Variants in SUPT3H observed in about 807,000 individuals in gnomAD.
SUPT3H encodes the protein transcription initiation protein SPT3 homolog.
Under a neutral mutation model 44.3 loss-of-function variants are expected in SUPT3H, and 44 were observed. The observed-to-expected ratio is 0.99, with a 90% CI of 0.78 to 1.28. SUPT3H has a LOEUF of 1.28. Ranked by LOEUF, SUPT3H falls within the 50% of genes most tolerant of loss-of-function variation. The pLI, the probability that SUPT3H is intolerant of heterozygous loss-of-function variation, is 0.00. For synonymous variants in SUPT3H, 124 were observed against 125.6 expected (o/e 0.99, Z 0.09); for missense variants, 380 against 387.1 (o/e 0.98, Z 0.15).
intron 11 of SUPT3H, among the ~76,000 whole-genome samples, chr6:44,810,201 A>G (rs1356062958): frequency 1.3e-5 from 2 of 152,216 alleles, no homozygotes; most frequent in Non-Finnish European, 2.9e-5. Flanking sequence ...TTACACAGCA[A>G]AAGATAACTG....
chr6:45,070,051 C>T (rs992696577), intron 3 of SUPT3H, among the ~76,000 whole-genome samples: 3 of 152,118 alleles, frequency 2.0e-5, no homozygotes, highest in Non-Finnish European at 4.4e-5. Context: ...ATGAATATAT[C>T]ATGGTCATTC....
chr6:45,105,376 C>G (rs2153570979), intron 3 of SUPT3H, among the ~76,000 whole-genome samples: 1 of 152,202 alleles, frequency 6.6e-6, no homozygotes, highest in East Asian at 1.9e-4. Context: ...AGTTCAGTTA[C>G]AGACCACTGC....
chr6:44,886,650 C>T (rs1762339684), intron 10 of SUPT3H, among the ~76,000 whole-genome samples: 2 of 152,084 alleles, frequency 1.3e-5, no homozygotes, highest in Non-Finnish European at 1.5e-5. Flanking sequence ...CTGGTACCAG[C>T]CACTGCAAAA....
chr6:44,896,356 T>C (rs1764134498), intron 10 of SUPT3H, among the ~76,000 whole-genome samples: 1 of 152,138 alleles, frequency 6.6e-6, no homozygotes, highest in Non-Finnish European at 1.5e-5. Flanking sequence ...CAAGTAATGT[T>C]CTAAGGACCT....
In SUPT3H at chr6:45,095,032, C is replaced by A. The variant is rs901773772; in HGVS notation, c.186+10890G>T. Among the ~76,000 whole-genome samples, 1 of 151,984 alleles carries A rather than the reference C, an allele frequency of 6.6e-6. No homozygotes were observed. The highest frequency in any genetic ancestry group is 1.5e-5 in the Non-Finnish European group (1 of 67,958). Reference sequence around the variant, plus strand: ...TACTCCACAGTAGCAGACAGAAAGGCCGAGAATTTTTTCCCAGATGGTATT... The same window carrying A: ...TACTCCACAGTAGCAGACAGAAAGGACGAGAATTTTTTCCCAGATGGTATT... On this transcript the variant is annotated intron_variant, in intron 3 of 10. Transcript: ENST00000371459. The surrounding 1 kb of genome is among the most constrained non-coding windows in gnomAD (Gnocchi z 4.1).
chr6:45,114,909 T>C (rs544130393), intron 2 of SUPT3H, among the ~76,000 whole-genome samples: 1 of 152,222 alleles, frequency 6.6e-6, no homozygotes, highest in South Asian at 2.1e-4. Flanking sequence ...AGGTCATAAG[T>C]CCAGTTAGAA....
At chr6:45,224,203 G>A (rs1766523021) in intron 2 of SUPT3H, among the ~76,000 whole-genome samples, 1 of 151,584 alleles carries the variant, frequency 6.6e-6, no homozygotes, top group African/African-American at 2.4e-5. Flanking sequence ...TCACTATACA[G>A]GTTTTCCTGT....
intron 3 of SUPT3H, among the ~76,000 whole-genome samples, chr6:45,039,273 G>T (rs895790860): frequency 6.6e-6 from 1 of 152,098 alleles, no homozygotes; most frequent in Non-Finnish European, 1.5e-5. Flanking sequence ...TACTTCCTTT[G>T]GGAAGAAAAG....
rs571786435 is a variant in SUPT3H at position 44,899,690 on chromosome 6, C to G, written c.912+32963G>C. 2.0e-3 allele frequency among the ~76,000 whole-genome samples: 297 copies of G among 152,182 alleles called. 1 individual carries two copies. Among genetic ancestry groups the G allele is most frequent in the Non-Finnish European group, 3.5e-3 (238 of 67,992 alleles). On this transcript the variant is annotated intron_variant, in intron 10 of 10. Coordinates refer to ENST00000371459, the MANE Select transcript of SUPT3H (RefSeq NM_003599.4). ...CAACAGAGTGAGACTCGTCTCAAAA[C>G]AAAACAAAACAAACAAACAAAAAAT...
At chr6:45,364,097 AGAGT>A (rs1319640100) in intron 2 of SUPT3H, among the ~76,000 whole-genome samples, 1 of 146,446 alleles carries the variant, frequency 6.8e-6, no homozygotes, top group Admixed American at 7.0e-5. Context: ...CCTGGGCAAC[AGAGT>A]GAGACTCTGT....
downstream of SUPT3H, among the ~76,000 whole-genome samples, chr6:44,823,105 A>C (rs1255585849): frequency 6.6e-5 from 10 of 150,466 alleles, no homozygotes. Flanking sequence ...CCGTTTCAAA[A>C]AAAAAAAAAA....
At chr6:45,019,896 GTTGA>G (rs1784867747) in intron 4 of SUPT3H, among the ~76,000 whole-genome samples, 1 of 151,744 alleles carries the variant, frequency 6.6e-6, no homozygotes, top group African/African-American at 2.4e-5. Flanking sequence ...TCATCTAAGA[GTTGA>G]TTAACTGAAA....
intron 9 of SUPT3H, among the ~76,000 whole-genome samples, chr6:44,951,216 T>C (rs1774250726): frequency 6.6e-6 from 1 of 151,604 alleles, no homozygotes; most frequent in South Asian, 2.1e-4. Flanking sequence ...TCTAAAGTCT[T>C]TGACTGCAAC....
At chr6:45,235,238 T>A (rs1768868904) in intron 2 of SUPT3H, among the ~76,000 whole-genome samples, 1 of 152,142 alleles carries the variant, frequency 6.6e-6, no homozygotes, top group Non-Finnish European at 1.5e-5. Context: ...ACATTTTAAA[T>A]AAAATAGCCC....
chr6:45,275,193 T>C (rs753172341), intron 2 of SUPT3H, among the ~76,000 whole-genome samples: 1 of 152,148 alleles, frequency 6.6e-6, no homozygotes, highest in South Asian at 2.1e-4. Flanking sequence ...AACTGGGAGA[T>C]GAAAAAGTAG....
At chr6:45,321,935 T>G (rs1261463006) in intron 2 of SUPT3H, 1 of 1,103,646 alleles carries the variant, frequency 9.1e-7, no homozygotes, top group African/African-American at 1.6e-5. Context: ...TTAAAACATA[T>G]TATAAATAAA....
intron 10 of SUPT3H, among the ~76,000 whole-genome samples, chr6:44,868,978 C>T (rs966353494): frequency 1.3e-5 from 2 of 152,178 alleles, no homozygotes; most frequent in Admixed American, 6.5e-5. Flanking sequence ...CTTTTGATTC[C>T]TCTGAATAAA....
intron 2 of SUPT3H, among the ~76,000 whole-genome samples, chr6:45,235,679 G>A (rs1768963662): frequency 6.6e-6 from 1 of 152,156 alleles, no homozygotes; most frequent in South Asian, 2.1e-4. Flanking sequence ...AGAGAATTAA[G>A]GAACTGGAGA....
intron 10 of SUPT3H, among the ~76,000 whole-genome samples, chr6:44,830,818 T>G (rs756350908): frequency 6.7e-6 from 1 of 150,098 alleles, no homozygotes; most frequent in Non-Finnish European, 1.5e-5. Flanking sequence ...CCCCTTAGGC[T>G]AATAACTCTG....
Sources: gnomAD v4.1 joint callset for allele counts (sites outside exome capture counted in the v4.1 genomes callset) on GRCh38, gnomAD v4.1.1 for gene constraint, Gnocchi (gnomAD v3.1) non-coding constraint, MANE v1.5 for transcripts, NCBI Gene and HGNC (gene_info 2026-07-23, HGNC 2026-07-21) for gene names.